The following DENND2D variants were observed in gnomAD, a reference collection of about 807,000 sequenced individuals.
DENND2D encodes DENN domain-containing protein 2D.
Under a neutral mutation model 59.8 loss-of-function variants are expected in DENND2D, and 37 were observed. The observed-to-expected ratio is 0.62, with a 90% CI of 0.48 to 0.81. The LOEUF is 0.81. Among genes scored for constraint, DENND2D ranks in the 40% least tolerant of loss-of-function variants. The pLI is 0.00. For missense variants in DENND2D, 525 were observed against 579.7 expected, an observed-to-expected ratio of 0.91 and a Z score of 0.97; for synonymous variants, 219 against 211.3, an observed-to-expected ratio of 1.04 and a Z score of -0.31.
Position 111,188,148 on chromosome 1 carries a change from C to G in DENND2D, c.1322G>C (p.Ser441Thr), listed in dbSNP as rs1171603794. 5.6e-6 allele frequency: 9 copies of G among 1,614,084 alleles called. No homozygotes were observed. Among genetic ancestry groups the G allele is most frequent in the African/African-American group, 1.3e-5 (1 of 74,926 alleles). The change falls in exon 11 of 12, where the codon AGC becomes ACC. Residue 441 changes from serine (S) to threonine (T), a missense_variant. Transcript: ENST00000357640. ...FSLFIQEAEKSKNPPAGYFQQ... is the reference protein window; with the variant it reads ...FSLFIQEAEKTKNPPAGYFQQ... Reference sequence around the variant, plus strand: ...TACTGTACCTGCAGGAGGATTCTTGCTCTTCTCGGCTTCCTGGATGAAAAG... The same window carrying G: ...TACTGTACCTGCAGGAGGATTCTTGGTCTTCTCGGCTTCCTGGATGAAAAG...
In DENND2D at chr1:111,198,553, A is replaced by G. The variant is rs1010171692; in HGVS notation, c.356+77T>C. 5 of 1,367,802 alleles carry G rather than the reference A, an allele frequency of 3.7e-6. No homozygotes were observed. In the African/African-American group the frequency reaches 5.7e-5, roughly 16 times the overall value. The allele number at this position is 1,367,802 out of a possible 1,614,324, so 84.7% of individuals were successfully genotyped here. On this transcript the variant is annotated intron_variant, in intron 3 of 11. Coordinates refer to ENST00000357640, the MANE Select transcript of DENND2D (RefSeq NM_024901.5). ...AATCAACAAATGACAGCAGTGAGGG[A>G]GGCTACAGGAGCCACAGAACTCACA...
chr1:111,203,831 C>G, upstream of DENND2D, among the ~76,000 whole-genome samples: 1 of 151,298 alleles, frequency 6.6e-6, no homozygotes, highest in East Asian at 2.0e-4. Context: ...TGGCTATCTG[C>G]TGGGCAGGGG....
chr1:111,198,403 G>A (rs922811862), intron 3 of DENND2D, among the ~76,000 whole-genome samples: 3 of 152,186 alleles, frequency 2.0e-5, no homozygotes, highest in African/African-American at 7.2e-5. Context: ...ATTGCTTCTA[G>A]GACAGGTGGG....
Position 111,186,813 on chromosome 1 carries a change from G to A in DENND2D, c.*792C>T, listed in dbSNP as rs752130386. On this transcript the variant is annotated 3_prime_UTR_variant, in exon 12 of 12. Transcript: ENST00000357640. ...GAAAGTGATGGGGAAACAGACCTAC[G>A]TATGGAAGCCATGTAGTGTTCTTCA... is the stretch of plus-strand genomic sequence containing the variant. 3.3e-5 allele frequency among the ~76,000 whole-genome samples: 5 copies of A among 152,168 alleles called. No individual in the cohort carries two copies. The highest frequency in any genetic ancestry group is 5.9e-5 in the Non-Finnish European group (4 of 68,024).
chr1:111,190,270 G>A (rs949457279), intron 8 of DENND2D, among the ~76,000 whole-genome samples: 2 of 151,792 alleles, frequency 1.3e-5, no homozygotes, highest in Non-Finnish European at 2.9e-5. Flanking sequence ...AGGAAAGGAA[G>A]TGAGGAGACC....
At chr1:111,200,241 A>G (rs1658666415) in intron 1 of DENND2D, 152 bp downstream of exon 1, 1 of 1,041,362 alleles carries the variant, frequency 9.6e-7, no homozygotes, top group Non-Finnish European at 1.4e-6. Flanking sequence ...GCTCTTAAAA[A>G]CCAGCAGAGG....
In DENND2D at chr1:111,200,398, C is replaced by A; in HGVS notation, c.62G>T (p.Arg21Leu). The A allele has an allele frequency of 1.2e-6, 2 of 1,612,052 alleles. No homozygotes were observed. The highest frequency in any genetic ancestry group is 2.2e-5 in the South Asian group (2 of 90,548). ...GTAGGCAGTCCAGTCCTGACCTGCTCGGAGTTGAAGCAGTCGGCGTTGGAA... is the reference window on the plus strand; with the variant it reads ...GTAGGCAGTCCAGTCCTGACCTGCTAGGAGTTGAAGCAGTCGGCGTTGGAA... Reference protein sequence around the residue: ...RLFQRRLLQLRAGPPQDNSGE... With the variant: ...RLFQRRLLQLLAGPPQDNSGE... The change falls in exon 1 of 12, where the codon CGA becomes CTA. Residue 21 changes from arginine to leucine, a missense_variant. By Grantham distance (102) the Arg-to-Leu change is moderately radical. This residue lies in a region of DENND2D where 253 missense variants were observed against 246.4 expected (regional missense o/e 1.03). Coordinates refer to ENST00000357640, the MANE Select transcript of DENND2D (RefSeq NM_024901.5).
chr1:111,198,053 CAGCACTAGAGGGTGGAG>C, intron 3 of DENND2D, 64 bp from the exon 4 acceptor site: 1 of 1,545,880 alleles, frequency 6.5e-7, no homozygotes, highest in Non-Finnish European at 8.9e-7. Context: ...GGAAAGTGGT[CAGCACTAGAGGGTGGAG>C]AGGAGGGCAA....
chr1:111,188,847 C>T lies in DENND2D; in HGVS notation c.1015-61G>A, dbSNP rs1657467998. The T allele has an allele frequency of 1.0e-5, 15 of 1,455,668 alleles. No homozygotes were observed. The East Asian group carries it at 3.4e-4, about 33-fold the overall frequency. The allele number at this position is 1,455,668 out of a possible 1,614,324, so 90.2% of individuals were successfully genotyped here. A position where few individuals can be genotyped will look rare whatever the true frequency, so the allele number is the denominator to read the frequency against. On this transcript the variant is annotated intron_variant, in intron 9 of 11. Transcript: ENST00000357640. ...GGAAGTGTGGAGTGAAGGTGGTTGG[C>T]AGAAAAGCATAAGGAGGGCATGAAT...
intron 8 of DENND2D, among the ~76,000 whole-genome samples, chr1:111,189,531 C>T (rs1657533109): frequency 6.6e-6 from 1 of 152,168 alleles, no homozygotes; most frequent in African/African-American, 2.4e-5. Context: ...AAATCACAGC[C>T]AGTCACTCCC....
At chr1:111,189,815 G>C (rs770376632) in intron 8 of DENND2D, among the ~76,000 whole-genome samples, 3 of 152,112 alleles carry the variant, frequency 2.0e-5, no homozygotes, top group Non-Finnish European at 4.4e-5. Context: ...CTAGAACAGA[G>C]ACCAACATCT....
chr1:111,203,538 C>T (rs1268630881), upstream of DENND2D, among the ~76,000 whole-genome samples: 1 of 152,268 alleles, frequency 6.6e-6, no homozygotes, highest in Non-Finnish European at 1.5e-5. Context: ...AACTGCCCTC[C>T]TTCCAACCCC....
chr1:111,204,306 G>A (rs886338195), upstream of DENND2D: 8 of 1,481,430 alleles, frequency 5.4e-6, no homozygotes, highest in East Asian at 1.5e-4. Context: ...CCCCATGGCC[G>A]CGCTTCAGTC....
At chr1:111,189,667 G>C (rs1172110636) in intron 8 of DENND2D, among the ~76,000 whole-genome samples, 2 of 152,204 alleles carry the variant, frequency 1.3e-5, no homozygotes, top group Non-Finnish European at 2.9e-5. Flanking sequence ...CCATTTTGAA[G>C]ATGAGGAAAC....
At chr1:111,189,715 T>C (rs1028669778) in intron 8 of DENND2D, among the ~76,000 whole-genome samples, 2 of 152,184 alleles carry the variant, frequency 1.3e-5, no homozygotes, top group African/African-American at 4.8e-5. Flanking sequence ...ACTATGCTGC[T>C]AATAAGAGAA....
chr1:111,198,590 T>C, intron 3 of DENND2D, 40 bp downstream of exon 3: 1 of 1,595,266 alleles, frequency 6.3e-7, no homozygotes, highest in Non-Finnish European at 8.6e-7. Context: ...ATGTTCCTTC[T>C]CCCCAAATCC....
At chr1:111,197,148 G>A (rs2101488675) in intron 5 of DENND2D, 28 bp downstream of exon 5, 1 of 751,906 alleles carries the variant, frequency 1.3e-6, no homozygotes, top group Non-Finnish European at 1.8e-6. Context: ...CTGGAATATG[G>A]GCAGGCCCTG....
At chr1:111,204,374 C>T (rs1453091435), upstream of DENND2D, 3 of 1,406,416 alleles carry the variant, frequency 2.1e-6, no homozygotes, top group African/African-American at 1.5e-5. Flanking sequence ...GTGCCCGGCT[C>T]CCGCTCCCAG....
chr1:111,203,088 T>C (rs1658968763), upstream of DENND2D, among the ~76,000 whole-genome samples: 1 of 152,238 alleles, frequency 6.6e-6, no homozygotes, highest in Non-Finnish European at 1.5e-5. Context: ...CTCCCACCAC[T>C]GCACGGTCCC....
Sources: gnomAD v4.1 joint callset for allele counts (sites outside exome capture counted in the v4.1 genomes callset) on GRCh38, gnomAD v4.1.1 for gene constraint, gnomAD v4.1.1 regional missense constraint, MANE v1.5 for transcripts, NCBI Gene and HGNC (gene_info 2026-07-23, HGNC 2026-07-21) for gene names.